REEP5: variants seen among roughly 807,000 people sequenced by gnomAD.
The protein encoded by REEP5 is receptor accessory protein 5, also known as receptor expression-enhancing protein 5.
Under a neutral mutation model 22.4 loss-of-function variants are expected in REEP5, and 24 were observed. The observed-to-expected ratio is 1.07, with a 90% confidence interval of 0.78 to 1.51. REEP5 has a LOEUF of 1.51. Ranked by LOEUF, REEP5 falls within the 40% of genes most tolerant of loss-of-function variation. The pLI is 0.00. For synonymous variants in REEP5, 103 were observed against 88.6 expected, an observed-to-expected ratio of 1.16 and a Z score of -0.92; for missense variants, 252 against 233.0, an observed-to-expected ratio of 1.08 and a Z score of -0.53.
chr5:112,921,122 T>C (rs1253793250), intron 2 of REEP5, 41 bp downstream of exon 2: 10 of 1,581,854 alleles, frequency 6.3e-6, no homozygotes, highest in African/African-American at 1.3e-5. Flanking sequence ...CGGGGAGGAA[T>C]GGAGGAAGGG....
At chr5:112,908,164 G>A (rs890429272) in intron 2 of REEP5, among the ~76,000 whole-genome samples, 5 of 142,596 alleles carry the variant, frequency 3.5e-5, no homozygotes, top group South Asian at 4.4e-4. Context: ...GCAGTGGCAC[G>A]ATCTCGGCTC....
At chr5:112,913,091 G>T (rs530555668) in intron 2 of REEP5, among the ~76,000 whole-genome samples, 3 of 152,258 alleles carry the variant, frequency 2.0e-5, no homozygotes, top group Non-Finnish European at 1.5e-5. Flanking sequence ...ATCACCTAAG[G>T]TCATGAGTTC....
chr5:112,906,654 C>A (rs1768961645), intron 2 of REEP5, among the ~76,000 whole-genome samples: 1 of 152,130 alleles, frequency 6.6e-6, no homozygotes, highest in Non-Finnish European at 1.5e-5. Context: ...GTGTCCTAGT[C>A]CACTGGTCCT....
chr5:112,913,683 T>G (rs1255885657), intron 2 of REEP5, among the ~76,000 whole-genome samples: 1 of 152,154 alleles, frequency 6.6e-6, no homozygotes, highest in Non-Finnish European at 1.5e-5. Context: ...CACCATTTTG[T>G]TTTTAAATGC....
At chr5:112,892,719 C>G (rs2150039987) in intron 3 of REEP5, 1 of 1,614,044 alleles carries the variant, frequency 6.2e-7, no homozygotes. Flanking sequence ...AGACTGGCTC[C>G]TCCTTTGGCA....
At chr5:112,905,028 G>A (rs1768924345) in intron 2 of REEP5, among the ~76,000 whole-genome samples, 1 of 152,112 alleles carries the variant, frequency 6.6e-6, no homozygotes, top group Non-Finnish European at 1.5e-5. Context: ...AAGCTAAAGA[G>A]ATTTTTTAAT....
chr5:112,890,524 C>G (rs1265964090), intron 3 of REEP5, among the ~76,000 whole-genome samples: 1 of 150,058 alleles, frequency 6.7e-6, no homozygotes, highest in Non-Finnish European at 1.5e-5. Context: ...CATGCAGGCA[C>G]GCACCATCAC....
intron 3 of REEP5, chr5:112,894,838 A>G (rs529026026): frequency 6.6e-6 from 1 of 152,224 alleles, no homozygotes; most frequent in Non-Finnish European, 1.5e-5. Context: ...ATGTATTCCT[A>G]CATAGAATAT....
At chr5:112,891,555 T>G in intron 3 of REEP5, 1 of 1,530,444 alleles carries the variant, frequency 6.5e-7, no homozygotes, top group Non-Finnish European at 8.9e-7. Flanking sequence ...ATAAGTAGAA[T>G]CACTGACAGT....
At chr5:112,922,009 C>A in intron 1 of REEP5, 64 bp downstream of exon 1, 1 of 1,541,550 alleles carries the variant, frequency 6.5e-7, no homozygotes, top group Non-Finnish European at 8.7e-7. Context: ...GCTTCCTTCC[C>A]CAGCAGCTGG....
chr5:112,882,619 C>A (rs73220063), intron 4 of REEP5, among the ~76,000 whole-genome samples: 2 of 152,154 alleles, frequency 1.3e-5, no homozygotes, highest in African/African-American at 4.8e-5. Context: ...TCCATTTACT[C>A]TCCAACTGTC....
intron 2 of REEP5, among the ~76,000 whole-genome samples, chr5:112,919,769 G>A (rs1769310830): frequency 6.6e-6 from 1 of 152,034 alleles, no homozygotes; most frequent in Non-Finnish European, 1.5e-5. Context: ...CTCCAGAACT[G>A]TGAGCAATAA....
chr5:112,908,135 T>A (rs1436214444), intron 2 of REEP5, among the ~76,000 whole-genome samples: 13 of 149,194 alleles, frequency 8.7e-5, no homozygotes, highest in African/African-American at 3.2e-4. Flanking sequence ...AGTCTTGCTC[T>A]TGTGGCCCAG....
chr5:112,913,865 C>T (rs1769173310), intron 2 of REEP5, among the ~76,000 whole-genome samples: 2 of 152,110 alleles, frequency 1.3e-5, no homozygotes, highest in South Asian at 4.1e-4. Flanking sequence ...GCAGCTTAGT[C>T]TCTAAGACCC....
chr5:112,921,258 T>C lies in REEP5; in HGVS notation c.119-2A>G. On this transcript the variant is annotated splice_acceptor_variant, in intron 1 of 4. Transcript: ENST00000379638. LOFTEE classifies it high-confidence loss of function. ...ACAAGGCCACCAGTCCGATGACACC[T>C]GGGGACCACAAGGAGAGAAGTGGGT... 1 of 1,613,962 alleles carries C rather than the reference T, an allele frequency of 6.2e-7. No homozygotes were observed. The highest frequency in any genetic ancestry group is 1.1e-5 in the South Asian group (1 of 91,018).
intron 2 of REEP5, among the ~76,000 whole-genome samples, chr5:112,920,133 G>A (rs974517958): frequency 6.6e-6 from 1 of 152,216 alleles, no homozygotes; most frequent in Non-Finnish European, 1.5e-5. Flanking sequence ...GTATGACTAA[G>A]TGTCTGTACC....
intron 1 of REEP5, 75 bp from the exon 2 acceptor site, chr5:112,921,331 C>A: frequency 1.5e-6 from 2 of 1,374,982 alleles, no homozygotes; most frequent in South Asian, 2.4e-5. Context: ...GCCCACACCG[C>A]GAGGCTGGGC....
intron 2 of REEP5, among the ~76,000 whole-genome samples, chr5:112,912,560 T>C (rs530521222): frequency 3.3e-5 from 5 of 152,356 alleles, no homozygotes; most frequent in Admixed American, 1.3e-4. Flanking sequence ...ATCTGCTTTA[T>C]ATTTTATTTC....
chr5:112,879,735 C>A (rs1292454339), intron 4 of REEP5, among the ~76,000 whole-genome samples: 1 of 152,040 alleles, frequency 6.6e-6, no homozygotes, highest in Non-Finnish European at 1.5e-5. Flanking sequence ...CTTGGCCTCC[C>A]AAAGTGCTGG....
Sources: gnomAD v4.1 joint callset for allele counts (sites outside exome capture counted in the v4.1 genomes callset) on GRCh38, gnomAD v4.1.1 for gene constraint, MANE v1.5 for transcripts, NCBI Gene and HGNC (gene_info 2026-07-23, HGNC 2026-07-21) for gene names.